The following SPATA17 variants were observed in gnomAD, a reference collection of about 807,000 sequenced individuals.
SPATA17 encodes spermatogenesis associated 17.
In SPATA17, 53 loss-of-function variants were observed where a neutral mutation model predicts 62.2. The ratio of observed to expected loss-of-function variants is 0.85; its 90% CI spans 0.68 to 1.07. The LOEUF (loss-of-function observed/expected upper bound fraction) is 1.07, where lower values mean the gene tolerates loss of function less well. SPATA17 is among the 50% of genes least tolerant of loss of function. The probability of loss-of-function intolerance (pLI) is 0.00; values close to 1 mark genes in which losing one functional copy is unlikely to be tolerated. For synonymous variants in SPATA17, 146 were observed against 146.8 expected (o/e 0.99, Z 0.04); for missense variants, 466 against 425.5 (o/e 1.10, Z -0.84).
chr1:217,784,528 C>A (rs1436136117), intron 8 of SPATA17, among the ~76,000 whole-genome samples: 3 of 152,032 alleles, frequency 2.0e-5, no homozygotes, highest in African/African-American at 7.2e-5. Context: ...GCAGTATAAT[C>A]TTCGGTTAGT....
At chr1:217,791,072 G>T (rs543630674) in intron 8 of SPATA17, among the ~76,000 whole-genome samples, 1 of 152,034 alleles carries the variant, frequency 6.6e-6, no homozygotes, top group Non-Finnish European at 1.5e-5. Flanking sequence ...ACTTTTATTT[G>T]TAACTCTTCC....
intron 2 of SPATA17, among the ~76,000 whole-genome samples, chr1:217,650,375 T>C (rs1200182408): frequency 6.6e-6 from 1 of 152,192 alleles, no homozygotes; most frequent in Non-Finnish European, 1.5e-5. Context: ...AGGAGAACTA[T>C]TTCTTAACCT....
intron 9 of SPATA17, among the ~76,000 whole-genome samples, chr1:217,823,992 C>T (rs891988657): frequency 6.6e-6 from 1 of 151,876 alleles, no homozygotes; most frequent in Non-Finnish European, 1.5e-5. Context: ...TGTTTCCTTA[C>T]AGGTAAAGTA....
rs1237784658 is a variant in SPATA17, at chr1:217,869,313, T to C, written c.*2294T>C. ...AATTTATCTAAAGACCTGGAATCCA[T>C]AGAAGGCTTTACCTGGATTAAAATA... On this transcript the variant is annotated 3_prime_UTR_variant, in exon 11 of 11. Coordinates refer to ENST00000366933, the MANE Select transcript of SPATA17 (RefSeq NM_138796.4). 2 of 152,122 alleles carry C rather than the reference T, an allele frequency of 1.3e-5. No homozygotes were observed. The highest frequency in any genetic ancestry group is 3.9e-4 in the East Asian group (2 of 5,162). 9.4% of individuals were successfully genotyped at this position (152,122 alleles called of 1,614,324 possible). A position where few individuals can be genotyped will look rare whatever the true frequency, so the allele number is the denominator to read the frequency against.
At chr1:217,790,184 A>C (rs1189198307) in intron 8 of SPATA17, among the ~76,000 whole-genome samples, 1 of 152,210 alleles carries the variant, frequency 6.6e-6, no homozygotes, top group Non-Finnish European at 1.5e-5. Flanking sequence ...CTGGGGTCTA[A>C]GTGCCAACAG....
intron 3 of SPATA17, 139 bp from the exon 4 acceptor site, chr1:217,668,891 TACA>T (rs1397156388): frequency 9.9e-5 from 74 of 748,104 alleles, no homozygotes; most frequent in Non-Finnish European, 3.3e-5. Flanking sequence ...ATCTCTTCAA[TACA>T]ACATTTGATT....
intron 4 of SPATA17, among the ~76,000 whole-genome samples, chr1:217,679,641 AAGG>A: frequency 6.6e-6 from 1 of 152,324 alleles, no homozygotes; most frequent in East Asian, 1.9e-4. Context: ...TTTTGAATAA[AAGG>A]AATTATCTTG....
intron 10 of SPATA17, among the ~76,000 whole-genome samples, chr1:217,864,463 C>A (rs898932063): frequency 6.6e-6 from 1 of 151,952 alleles, no homozygotes; most frequent in Non-Finnish European, 1.5e-5. Flanking sequence ...GCTGTGTAGT[C>A]TTATTTCACT....
chr1:217,634,302 G>A (rs1324260876), intron 1 of SPATA17, among the ~76,000 whole-genome samples: 1 of 152,204 alleles, frequency 6.6e-6, no homozygotes, highest in African/African-American at 2.4e-5. Context: ...CTGTCTCCCT[G>A]AGCATTAGGG....
At chr1:217,770,364 C>T (rs1673409799) in intron 6 of SPATA17, among the ~76,000 whole-genome samples, 1 of 152,176 alleles carries the variant, frequency 6.6e-6, no homozygotes, top group Admixed American at 6.5e-5. Context: ...TCCACCTATC[C>T]TGAATACTTA....
chr1:217,744,566 A>G (rs567951398), intron 6 of SPATA17, among the ~76,000 whole-genome samples: 154 of 152,096 alleles, frequency 1.0e-3, no homozygotes, highest in African/African-American at 3.4e-3. Flanking sequence ...TTTTAAGTAT[A>G]TTTGTATTAA....
At chr1:217,634,071 T>A (rs1361446253) in intron 1 of SPATA17, among the ~76,000 whole-genome samples, 1 of 152,132 alleles carries the variant, frequency 6.6e-6, no homozygotes. Flanking sequence ...GAATGTTTGG[T>A]GTGTGTTTAT....
intron 5 of SPATA17, among the ~76,000 whole-genome samples, chr1:217,729,640 G>A (rs1391521142): frequency 6.6e-6 from 1 of 151,924 alleles, no homozygotes; most frequent in African/African-American, 2.4e-5. Context: ...TAATTAATTT[G>A]GTAGAAATTA....
chr1:217,814,515 A>G (rs570614147), intron 9 of SPATA17, among the ~76,000 whole-genome samples: 4 of 152,220 alleles, frequency 2.6e-5, no homozygotes, highest in South Asian at 2.1e-4. Context: ...TTTAGTCCCA[A>G]TGTGATCCCT....
intron 3 of SPATA17, among the ~76,000 whole-genome samples, chr1:217,661,491 T>C (rs1180835096): frequency 6.6e-6 from 1 of 152,182 alleles, no homozygotes; most frequent in Middle Eastern, 3.4e-3. Context: ...TCCTAAAGAG[T>C]CATGTGCTCT....
intron 5 of SPATA17, among the ~76,000 whole-genome samples, chr1:217,712,245 G>A (rs1671890942): frequency 6.6e-6 from 1 of 150,676 alleles, no homozygotes. Context: ...TCCTGCCTCA[G>A]CCTCCTGAGT....
chr1:217,776,548 T>G (rs1673592668), intron 7 of SPATA17, among the ~76,000 whole-genome samples: 2 of 151,850 alleles, frequency 1.3e-5, no homozygotes, highest in Non-Finnish European at 2.9e-5. Flanking sequence ...GTAGTCCAGA[T>G]GTCAGCCAGG....
chr1:217,856,145 T>C (rs1479817602), intron 9 of SPATA17, among the ~76,000 whole-genome samples: 2 of 152,198 alleles, frequency 1.3e-5, no homozygotes, highest in East Asian at 3.8e-4. Context: ...CAGGAATGTG[T>C]ATACTAAAGT....
chr1:217,728,372 CTTAA>C (rs955295350), intron 5 of SPATA17, among the ~76,000 whole-genome samples: 6 of 152,004 alleles, frequency 3.9e-5, no homozygotes, highest in African/African-American at 1.2e-4. Context: ...TTACCTGTTT[CTTAA>C]TTGTTATACA....
Sources: allele counts gnomAD v4.1 joint callset (sites outside exome capture counted in the v4.1 genomes callset), GRCh38; gene constraint gnomAD v4.1.1; transcripts MANE v1.5; gene names NCBI Gene and HGNC (gene_info 2026-07-23, HGNC 2026-07-21).